SRRM4: variants seen among roughly 807,000 people sequenced by gnomAD.
SRRM4 encodes serine/arginine repetitive matrix 4.
SRRM4 carries 33 observed loss-of-function variants against 68.9 expected under a neutral mutation model. That is an observed-to-expected ratio of 0.48 (90% CI 0.36 to 0.64). The LOEUF is 0.64. SRRM4 is among the 30% of genes least tolerant of loss of function. The pLI is 0.00. For missense variants in SRRM4, 817 were observed against 827.1 expected (o/e 0.99, Z 0.15); for synonymous variants, 318 against 318.8 (o/e 1.00, Z 0.03).
intron 1 of SRRM4, among the ~76,000 whole-genome samples, chr12:119,027,052 G>A (rs928960702): frequency 6.6e-6 from 1 of 152,090 alleles, no homozygotes; most frequent in Non-Finnish European, 1.5e-5. Context: ...TATTCCTCTG[G>A]ACGCTGATGT....
At chr12:119,060,473 A>G (rs1218454568) in intron 1 of SRRM4, among the ~76,000 whole-genome samples, 1 of 150,818 alleles carries the variant, frequency 6.6e-6, no homozygotes, top group Non-Finnish European at 1.5e-5. Flanking sequence ...ATGCACGTAC[A>G]CATTCACACT....
chr12:119,120,125 T>C, intron 4 of SRRM4, 125 bp from the exon 5 acceptor site: 19 of 486,922 alleles, frequency 3.9e-5, no homozygotes, highest in South Asian at 1.1e-4. Context: ...TCACCATCCC[T>C]CCCTTTCTTC....
At position 119,154,391 on chromosome 12, in the gene SRRM4, CA is replaced by C. The variant is rs1954459669; in HGVS notation, c.1532+9del. 1.9e-6 allele frequency: 3 copies of C among 1,612,314 alleles called. No homozygotes were observed. The highest frequency in any genetic ancestry group is 2.5e-6 in the Non-Finnish European group (3 of 1,179,526). ...GGCCCGGAGGATAACCAGGTGAGGC[CA>C]GGGGGCAAGGGGGACCCACCTTCAT... On this transcript the variant is annotated intron_variant, in intron 12 of 12. Transcript: ENST00000267260. This position sits in a 1 kb window ranked among gnomAD's most constrained non-coding sequence, Gnocchi z 4.7.
intron 8 of SRRM4, among the ~76,000 whole-genome samples, chr12:119,144,993 C>T (rs1954391841): frequency 6.6e-6 from 1 of 151,612 alleles, no homozygotes; most frequent in African/African-American, 2.4e-5. Context: ...ATTTCTTTTT[C>T]CCCTTTCCCT....
At chr12:118,999,809 C>T (rs1321626046) in intron 1 of SRRM4, among the ~76,000 whole-genome samples, 2 of 152,154 alleles carry the variant, frequency 1.3e-5, no homozygotes, top group Non-Finnish European at 2.9e-5. Flanking sequence ...CCTATGCTAC[C>T]TCTGTGTCAA....
rs776785197 is a variant in SRRM4 at position 119,114,258 on chromosome 12, C to T, written c.279-20C>T. ...GGGGAACCATGAGTTATCTAATGCT[C>T]CTCTCTTTGCTCCTCACAGTGCCTC... is the stretch of plus-strand genomic sequence containing the variant. On this transcript the variant is annotated intron_variant, in intron 2 of 12. Coordinates refer to ENST00000267260, the MANE Select transcript of SRRM4 (RefSeq NM_194286.4). 20 of 1,604,796 alleles carry T rather than the reference C, an allele frequency of 1.2e-5. No individual in the cohort carries two copies. The South Asian group carries it at 1.6e-4, about 13-fold the overall frequency.
intron 1 of SRRM4, among the ~76,000 whole-genome samples, chr12:119,054,154 T>A (rs1056540696): frequency 1.3e-5 from 2 of 152,222 alleles, no homozygotes; most frequent in African/African-American, 4.8e-5. Flanking sequence ...TTTCTGTGCC[T>A]GGCTTATTTC....
At chr12:119,146,162 C>G (rs371917251) in intron 9 of SRRM4, among the ~76,000 whole-genome samples, 45 of 152,248 alleles carry the variant, frequency 3.0e-4, no homozygotes, top group African/African-American at 1.1e-3. Context: ...GTGTCAGATG[C>G]CATCACTAGG....
rs375358090 is a variant in SRRM4 at position 118,983,988 on chromosome 12, G to GCCTGAACCATAAGCCCTGGATTA, written c.131+1997_131+1998insACCTGAACCATAAGCCCTGGATT. Among the ~76,000 whole-genome samples, 396 of 152,290 alleles carry GCCTGAACCATAAGCCCTGGATTA rather than the reference G, an allele frequency of 2.6e-3. 2 individuals are homozygous for GCCTGAACCATAAGCCCTGGATTA. Among genetic ancestry groups the GCCTGAACCATAAGCCCTGGATTA allele is most frequent in the East Asian group, 0.018 (92 of 5,180 alleles). ...CCTAGAAACCACCCCTGAGGTGAAA[G>GCCTGAACCATAAGCCCTGGATTA]CCTGAACCATAAGCCCTGGATTTAT... On this transcript the variant is annotated intron_variant, in intron 1 of 12. Coordinates refer to ENST00000267260, the MANE Select transcript of SRRM4 (RefSeq NM_194286.4).
rs1043479881 is a variant in SRRM4, at chr12:119,032,132, G to A, written c.131+50119G>A. On this transcript the variant is annotated intron_variant, in intron 1 of 12. Transcript: ENST00000267260. The stretch of plus-strand genomic sequence containing the variant: ...TCCTCACTCTTCTCACCTGAGCAAT[G>A]AGTGATGGTATAATAATATCTCATA... Among the ~76,000 whole-genome samples the A allele has an allele frequency of 9.9e-5, 15 of 152,246 alleles. 1 individual carries two copies. In the South Asian group the frequency reaches 2.9e-3, roughly 30 times the overall value.
rs554335448 is a variant in SRRM4 at position 119,143,334 on chromosome 12, G to A, written c.772-2047G>A. Among the ~76,000 whole-genome samples the A allele has an allele frequency of 1.5e-4, 23 of 152,348 alleles. No individual in the cohort carries two copies. In the South Asian group the frequency reaches 3.7e-3, roughly 25 times the overall value. ...ATGCACAAGATAAAGTTTGGGGAAA[G>A]AGTAGGCTTTTTATGGTGAAAGCTG... On this transcript the variant is annotated intron_variant, in intron 8 of 12. Coordinates refer to ENST00000267260, the MANE Select transcript of SRRM4 (RefSeq NM_194286.4).
chr12:119,092,340 A>G (rs1379375725), intron 1 of SRRM4, among the ~76,000 whole-genome samples: 1 of 152,144 alleles, frequency 6.6e-6, no homozygotes, highest in African/African-American at 2.4e-5. Flanking sequence ...TCTGAACTCC[A>G]GGCTCATGTA....
intron 9 of SRRM4, among the ~76,000 whole-genome samples, chr12:119,147,517 T>G (rs1954411660): frequency 6.6e-6 from 1 of 152,122 alleles, no homozygotes; most frequent in Non-Finnish European, 1.5e-5. Flanking sequence ...ATGGACCACG[T>G]TGGTGGAGGA....
At chr12:119,137,621 AGAG>A (rs1954338604) in intron 8 of SRRM4, among the ~76,000 whole-genome samples, 1 of 111,154 alleles carries the variant, frequency 9.0e-6, no homozygotes, top group Admixed American at 9.4e-5. Context: ...AGAGAGAGAG[AGAG>A]AGAGAGAGAG....
chr12:119,048,109 T>C (rs1279834079), intron 1 of SRRM4, among the ~76,000 whole-genome samples: 1 of 152,234 alleles, frequency 6.6e-6, no homozygotes, highest in African/African-American at 2.4e-5. Context: ...TGCAACCCTG[T>C]GAAACAAGAA....
chr12:119,062,692 C>G (rs1366148907), intron 1 of SRRM4, among the ~76,000 whole-genome samples: 1 of 152,164 alleles, frequency 6.6e-6, no homozygotes, highest in South Asian at 2.1e-4. Flanking sequence ...GGTCAGGATA[C>G]CAAGATATCA....
intron 8 of SRRM4, 134 bp from the exon 9 acceptor site, chr12:119,145,247 G>A (rs142659570): frequency 1.3e-4 from 104 of 779,256 alleles, no homozygotes; most frequent in African/African-American, 1.1e-3. Context: ...GTTTTTTGGC[G>A]TCTCTTCTTT....
At chr12:119,003,878 G>A (rs960154939) in intron 1 of SRRM4, among the ~76,000 whole-genome samples, 1 of 151,932 alleles carries the variant, frequency 6.6e-6, no homozygotes, top group Non-Finnish European at 1.5e-5. Flanking sequence ...CTCTATAGAC[G>A]ATATTACTAA....
chr12:119,081,984 T>C (rs1953951815), intron 1 of SRRM4, among the ~76,000 whole-genome samples: 2 of 152,200 alleles, frequency 1.3e-5, no homozygotes, highest in Admixed American at 1.3e-4. Flanking sequence ...TAATAATCAT[T>C]AGTAGCAAAG....
Sources: gnomAD v4.1 joint callset for allele counts (sites outside exome capture counted in the v4.1 genomes callset) on GRCh38, gnomAD v4.1.1 for gene constraint, Gnocchi (gnomAD v3.1) non-coding constraint, MANE v1.5 for transcripts, NCBI Gene and HGNC (gene_info 2026-07-23, HGNC 2026-07-21) for gene names.